LCLAT1: variants seen among roughly 807,000 people sequenced by gnomAD.
The protein encoded by LCLAT1 is lysocardiolipin acyltransferase 1, also known as 1-AGP acyltransferase 8.
LCLAT1 carries 11 observed loss-of-function variants against 30.7 expected under a neutral mutation model. The observed-to-expected ratio is 0.36, with a 90% CI of 0.23 to 0.59. The LOEUF is 0.59. Ranked by LOEUF, LCLAT1 falls within the 20% of genes least tolerant of loss-of-function variation. The probability of loss-of-function intolerance (pLI) is 0.77; values close to 1 mark genes in which losing one functional copy is unlikely to be tolerated. For missense variants in LCLAT1, 402 were observed against 458.6 expected, an observed-to-expected ratio of 0.88 and a Z score of 1.13; for synonymous variants, 155 against 151.3, an observed-to-expected ratio of 1.02 and a Z score of -0.18.
intron 3 of LCLAT1, among the ~76,000 whole-genome samples, chr2:30,551,017 C>T (rs1664652776): frequency 6.6e-6 from 1 of 152,148 alleles, no homozygotes. Context: ...CTTGCTCTGT[C>T]ATCCAGGTTG....
At chr2:30,489,007 G>A (rs1683698847) in intron 1 of LCLAT1, among the ~76,000 whole-genome samples, 1 of 152,096 alleles carries the variant, frequency 6.6e-6, no homozygotes, top group Non-Finnish European at 1.5e-5. Context: ...TTTTGGCCCA[G>A]GATCAGTTTT....
chr2:30,479,690 C>T (rs1370434346), intron 1 of LCLAT1, among the ~76,000 whole-genome samples: 1 of 152,194 alleles, frequency 6.6e-6, no homozygotes, highest in Non-Finnish European at 1.5e-5. Context: ...GCAGGCAATA[C>T]TCTGTCTCGA....
intron 1 of LCLAT1, among the ~76,000 whole-genome samples, chr2:30,502,028 T>A (rs1684423205): frequency 1.3e-5 from 2 of 152,228 alleles, no homozygotes; most frequent in Non-Finnish European, 2.9e-5. Flanking sequence ...TGCTGGGATA[T>A]TTTTTGTTAA....
intron 1 of LCLAT1, among the ~76,000 whole-genome samples, chr2:30,510,666 C>T (rs987159505): frequency 1.3e-5 from 2 of 152,128 alleles, no homozygotes; most frequent in African/African-American, 2.4e-5. Flanking sequence ...TGATTTCCCC[C>T]TCTCCAATTT....
At chr2:30,623,897 A>G (rs1414380574) in intron 5 of LCLAT1, among the ~76,000 whole-genome samples, 1 of 152,214 alleles carries the variant, frequency 6.6e-6, no homozygotes, top group African/African-American at 2.4e-5. Flanking sequence ...AAGAAAACCT[A>G]TCAGATTAAC....
In LCLAT1 at chr2:30,540,411, C is replaced by G. The variant is rs573143456; in HGVS notation, c.364+7097C>G. On this transcript the variant is annotated intron_variant, in intron 3 of 5. Transcript: ENST00000379509. ...TCTTCAGCACTTACTAATAATGTTGCAGTGATTTTCTTTGTGCAGTATTTC... is the reference window on the plus strand; with the variant it reads ...TCTTCAGCACTTACTAATAATGTTGGAGTGATTTTCTTTGTGCAGTATTTC... Among the ~76,000 whole-genome samples, 51 of 152,206 alleles carry G rather than the reference C, an allele frequency of 3.4e-4. 1 individual carries two copies. The South Asian group carries it at 0.01, about 31-fold the overall frequency.
At chr2:30,624,456 C>T (rs1483541938) in intron 5 of LCLAT1, among the ~76,000 whole-genome samples, 4 of 152,258 alleles carry the variant, frequency 2.6e-5, no homozygotes, top group African/African-American at 7.2e-5. Context: ...CAAAAGTGAG[C>T]AGGAGTAGCT....
At chr2:30,602,628 A>G (rs1056957745) in intron 5 of LCLAT1, among the ~76,000 whole-genome samples, 1 of 151,606 alleles carries the variant, frequency 6.6e-6, no homozygotes. Context: ...TTTCACAAAC[A>G]GATTAATCAG....
chr2:30,636,988 G>A (rs1277975477), intron 5 of LCLAT1, among the ~76,000 whole-genome samples: 1 of 152,202 alleles, frequency 6.6e-6, no homozygotes, highest in East Asian at 1.9e-4. Context: ...TGATTGAGGA[G>A]AGAAGTATTT....
In LCLAT1 at chr2:30,566,413, C is replaced by T. The variant is rs550477948; in HGVS notation, c.512-1647C>T. On this transcript the variant is annotated intron_variant, in intron 4 of 5. Coordinates refer to ENST00000379509, the MANE Select transcript of LCLAT1 (RefSeq NM_001002257.3). The stretch of plus-strand genomic sequence containing the variant: ...TTTGTAGCCCCATGCCCAGGATATC[C>T]TCAAATGAATATGAGAGGAACTTAC... Among the ~76,000 whole-genome samples the T allele has an allele frequency of 9.2e-5, 14 of 152,230 alleles. No homozygotes were observed. In the South Asian group the frequency reaches 2.9e-3, roughly 32 times the overall value.
chr2:30,617,190 G>A (rs1443384889), intron 5 of LCLAT1, among the ~76,000 whole-genome samples: 1 of 152,074 alleles, frequency 6.6e-6, no homozygotes, highest in African/African-American at 2.4e-5. Context: ...CTGCAGTCAG[G>A]CCCCTTCCCT....
chr2:30,568,020 C>A, intron 4 of LCLAT1, 40 bp from the exon 5 acceptor site: 1 of 1,041,736 alleles, frequency 9.6e-7, no homozygotes, highest in Non-Finnish European at 1.4e-6. Flanking sequence ...GTTTATTTCC[C>A]TTTAGTTTAT....
In LCLAT1 at chr2:30,461,895, C is replaced by T. The variant is rs555083587; in HGVS notation, c.-5+14512C>T. ...ACGCCATTCTCCTGCCTCAGCCTCC[C>T]GCGTAGCTGGGACTACAGGCGCCCG... On this transcript the variant is annotated intron_variant, in intron 1 of 5. Transcript: ENST00000379509. Among the ~76,000 whole-genome samples the T allele has an allele frequency of 1.3e-3, 197 of 150,874 alleles. 1 individual carries two copies. The highest frequency in any genetic ancestry group is 4.1e-3 in the South Asian group (19 of 4,668).
intron 5 of LCLAT1, among the ~76,000 whole-genome samples, chr2:30,602,413 G>A (rs146030783): frequency 3.3e-4 from 50 of 152,096 alleles, no homozygotes; most frequent in African/African-American, 9.9e-4. Flanking sequence ...AAATTTTCAG[G>A]AAGCCAGCCT....
Position 30,643,507 on chromosome 2 carries a change from T to C in LCLAT1, c.*2888T>C, listed in dbSNP as rs576229595. ...AATTCTTCCTTGTTTGTTAATGCTA[T>C]TAAAACTCAGATTCAAGGGAAATAC... On this transcript the variant is annotated 3_prime_UTR_variant, in exon 6 of 6. Transcript: ENST00000379509. The C allele has an allele frequency of 1.3e-5, 2 of 152,298 alleles. No homozygotes were observed. The highest frequency in any genetic ancestry group is 4.2e-4 in the South Asian group (2 of 4,812). The allele number at this position is 152,298 out of a possible 1,614,324, so 9.4% of individuals were successfully genotyped here. A position where few individuals can be genotyped will look rare whatever the true frequency, so the allele number is the denominator to read the frequency against.
chr2:30,548,282 A>G (rs1664517189), intron 3 of LCLAT1, among the ~76,000 whole-genome samples: 1 of 152,240 alleles, frequency 6.6e-6, no homozygotes, highest in Admixed American at 6.5e-5. Flanking sequence ...ATGGCCTGTA[A>G]CACAGCCCTC....
intron 3 of LCLAT1, among the ~76,000 whole-genome samples, chr2:30,542,649 T>C (rs72858905): frequency 0.014 from 2,091 of 152,268 alleles, 38 homozygotes; most frequent in African/African-American, 0.047. Flanking sequence ...AGGATTTTTA[T>C]TGTGATTTCA....
intron 5 of LCLAT1, among the ~76,000 whole-genome samples, chr2:30,595,948 AT>A (rs2148484028): frequency 6.6e-6 from 1 of 152,244 alleles, no homozygotes; most frequent in South Asian, 2.1e-4. Flanking sequence ...AGCTGTATCC[AT>A]GTCCCTGCAA....
chr2:30,605,462 C>T lies in LCLAT1; in HGVS notation c.629-34655C>T, dbSNP rs1236069103. ...TATGCAGATTTATTCTAAAGCAGAC[C>T]AATTTACATATTGTTTTTAGTTTAT... On this transcript the variant is annotated intron_variant, in intron 5 of 5. Transcript: ENST00000379509. 3.9e-5 allele frequency among the ~76,000 whole-genome samples: 6 copies of T among 152,130 alleles called. No homozygotes were observed. The East Asian group carries it at 1.2e-3, about 29-fold the overall frequency.
Sources: allele counts gnomAD v4.1 joint callset (sites outside exome capture counted in the v4.1 genomes callset), GRCh38; gene constraint gnomAD v4.1.1; transcripts MANE v1.5; gene names NCBI Gene and HGNC (gene_info 2026-07-23, HGNC 2026-07-21).